RBBP8: variants seen among roughly 807,000 people sequenced by gnomAD.
RBBP8 encodes the protein DNA endonuclease RBBP8.
RBBP8 carries 88 observed loss-of-function variants against 108.3 expected under a neutral mutation model. The observed-to-expected ratio is 0.81, with a 90% confidence interval of 0.68 to 0.97. The LOEUF (loss-of-function observed/expected upper bound fraction) is 0.97. Among genes scored for constraint, RBBP8 ranks in the 50% least tolerant of loss-of-function variants. The probability of loss-of-function intolerance (pLI) is 0.00; values close to 1 mark genes in which losing one functional copy is unlikely to be tolerated. For missense variants in RBBP8, 1,023 were observed against 1,049.0 expected, an observed-to-expected ratio of 0.98 and a Z score of 0.34; for synonymous variants, 332 against 348.2, an observed-to-expected ratio of 0.95 and a Z score of 0.52.
rs540297005 is a variant in RBBP8 at position 22,943,073 on chromosome 18, A to C, written c.110-3371A>C. ...TTTAATTGCTCCATTTATTTTCTAT[A>C]CATAGAATCAAAAATTCTAAAAAGA... On this transcript the variant is annotated intron_variant, in intron 2 of 18. Transcript: ENST00000327155. Among the ~76,000 whole-genome samples, 37 of 152,142 alleles carry C rather than the reference A, an allele frequency of 2.4e-4. 1 individual carries two copies. The highest frequency in any genetic ancestry group is 8.9e-4 in the African/African-American group (37 of 41,410).
intron 4 of RBBP8, among the ~76,000 whole-genome samples, chr18:22,954,026 CACCCCCATGATTCAATTACTT>C (rs1190891165): frequency 1.3e-5 from 2 of 152,010 alleles, no homozygotes; most frequent in Non-Finnish European, 2.9e-5. Flanking sequence ...TGGGGGTAAC[CACCCCCATGATTCAATTACTT>C]CCCACAGTTG....
chr18:22,936,945 G>C lies in RBBP8; in HGVS notation c.94G>C (p.Asp32His), dbSNP rs1311183095. The change falls in exon 2 of 19, where the codon GAT (aspartate) becomes CAT (histidine). Residue 32 changes from aspartate to histidine, a missense_variant. Asp to His is a moderately conservative substitution (Grantham distance 81, BLOSUM62 -1). Transcript: ENST00000327155. ...DLWTKLKECH[D>H]REVQGLQVKV... ...TTGGACAAAACTAAAAGAATGTCAT[G>C]ATAGAGAAGTACAAGGTAAAATCTT... 3 of 1,613,986 alleles carry C rather than the reference G, an allele frequency of 1.9e-6. No individual in the cohort carries two copies. The highest frequency in any genetic ancestry group is 2.7e-5 in the African/African-American group (2 of 74,944).
At chr18:22,928,192 CTT>C (rs370313434) in intron 3 of RBBP8, among the ~76,000 whole-genome samples, 170 of 148,856 alleles carry the variant, frequency 1.1e-3, no homozygotes, top group African/African-American at 3.9e-3. Flanking sequence ...CAGAGTAAGA[CTT>C]TGTCTCCAAA....
At chr18:22,971,641 C>CTTTTTTTTTTT (rs919907678) in intron 5 of RBBP8, among the ~76,000 whole-genome samples, 2 of 109,278 alleles carry the variant, frequency 1.8e-5, no homozygotes, top group Admixed American at 9.6e-5. Flanking sequence ...TGTTTAATTT[C>CTTTTTTTTTTT]TTTTTTTTTT....
intron 12 of RBBP8, among the ~76,000 whole-genome samples, chr18:22,995,210 C>G (rs2045833876): frequency 6.6e-6 from 1 of 151,674 alleles, no homozygotes; most frequent in Non-Finnish European, 1.5e-5. Context: ...TATATGAAAA[C>G]ATTTTTTTCA....
intron 4 of RBBP8, among the ~76,000 whole-genome samples, chr18:22,951,610 T>C (rs887840418): frequency 4.2e-4 from 64 of 152,308 alleles, no homozygotes; most frequent in African/African-American, 1.5e-3. Flanking sequence ...ATTCAATTCC[T>C]ACACTGGATA....
intron 4 of RBBP8, among the ~76,000 whole-genome samples, chr18:22,960,537 C>A (rs1913001693): frequency 6.6e-6 from 1 of 152,168 alleles, no homozygotes; most frequent in Non-Finnish European, 1.5e-5. Flanking sequence ...AAGAGCAAGA[C>A]CCTGTCTCAA....
At chr18:22,927,038 G>A (rs1396475395) in intron 3 of RBBP8, among the ~76,000 whole-genome samples, 1 of 152,148 alleles carries the variant, frequency 6.6e-6, no homozygotes, top group Non-Finnish European at 1.5e-5. Flanking sequence ...ACTAATTACT[G>A]TAAACAACTT....
intron 3 of RBBP8, among the ~76,000 whole-genome samples, chr18:22,919,716 G>T (rs2144332898): frequency 6.6e-6 from 1 of 152,060 alleles, no homozygotes; most frequent in South Asian, 2.1e-4. Context: ...CACACCTGGT[G>T]AATTTTTGCA....
intron 6 of RBBP8, among the ~76,000 whole-genome samples, chr18:22,977,617 G>A (rs1914585421): frequency 6.6e-6 from 1 of 152,038 alleles, no homozygotes; most frequent in Non-Finnish European, 1.5e-5. Context: ...CTTCTAAATT[G>A]AATTCCTTAT....
At position 22,993,146 on chromosome 18, in the gene RBBP8, TG is replaced by T; in HGVS notation, c.1322del (p.Gly441GlufsTer18). ...AAACATTTGGAGCCCCTGAAATCAT[TG>T]GGAGGCCGAACATCCAAAAGGAAGA... ...TDKHLEPLKS[L>X]GGRTSKRKKT... On this transcript the variant is annotated frameshift_variant, in exon 11 of 19. Coordinates refer to ENST00000327155, the MANE Select transcript of RBBP8 (RefSeq NM_002894.3). LOFTEE classifies it high-confidence loss of function. 1 of 1,614,112 alleles carries T rather than the reference TG, an allele frequency of 6.2e-7. No homozygotes were observed. The highest frequency in any genetic ancestry group is 8.5e-7 in the Non-Finnish European group (1 of 1,179,986).
chr18:22,938,894 A>G (rs1010773612), intron 2 of RBBP8, among the ~76,000 whole-genome samples: 5 of 152,224 alleles, frequency 3.3e-5, no homozygotes, highest in Admixed American at 2.6e-4. Flanking sequence ...GTGAAATAAC[A>G]GTTAAAAGGT....
At chr18:22,968,714 AAGTC>A in intron 4 of RBBP8, 88 bp from the exon 5 acceptor site, 1 of 990,854 alleles carries the variant, frequency 1.0e-6, no homozygotes, top group Admixed American at 1.9e-5. Flanking sequence ...AGTATTTGCC[AAGTC>A]AGTTCCTTAA....
At position 23,001,743 on chromosome 18, in the gene RBBP8, CTGTT is replaced by C; in HGVS notation, c.2287+16_2287+19del. The C allele has an allele frequency of 6.2e-7, 1 of 1,613,918 alleles. No homozygotes were observed. On this transcript the variant is annotated intron_variant, in intron 15 of 18. Transcript: ENST00000327155. ...AGAAACTACACAGTAAGATTTTTTT[CTGTT>C]TAATTATGGCTTCTCAGTTGCAGAA... is the stretch of plus-strand genomic sequence containing the variant.
At chr18:22,964,920 A>G (rs1350736734) in intron 4 of RBBP8, among the ~76,000 whole-genome samples, 1 of 152,140 alleles carries the variant, frequency 6.6e-6, no homozygotes. Flanking sequence ...CTCACTTAAC[A>G]TTGTAGATAG....
At chr18:22,994,715 A>C (rs4517887) in intron 12 of RBBP8, among the ~76,000 whole-genome samples, 76,368 of 150,386 alleles carry the variant, frequency 0.51, 22,426 homozygotes, top group African/African-American at 0.83. Flanking sequence ...ATTTTGCTAT[A>C]TTTTATTATT....
intron 14 of RBBP8, among the ~76,000 whole-genome samples, chr18:22,999,401 C>A (rs1017021726): frequency 4.6e-5 from 7 of 152,128 alleles, no homozygotes; most frequent in Non-Finnish European, 1.0e-4. Context: ...ACTCTCAGGG[C>A]TTATTCACTT....
Position 22,993,388 on chromosome 18 carries a change from CT to C in RBBP8, c.1564del (p.Tyr522MetfsTer4). The C allele has an allele frequency of 6.2e-7, 1 of 1,614,224 alleles. No homozygotes were observed. Among genetic ancestry groups the C allele is most frequent in the Non-Finnish European group, 8.5e-7 (1 of 1,180,034 alleles). ...TAAAAACAAATTTAGGCAAGTGACT[CT>C]TTATGAGGCTTTGAAGACCATTCCA... ...TSKNKFRQVT[L>X]YEALKTIPKG... On this transcript the variant is annotated frameshift_variant, in exon 11 of 19. Coordinates refer to ENST00000327155, the MANE Select transcript of RBBP8 (RefSeq NM_002894.3). LOFTEE classifies it high-confidence loss of function.
intron 1 of RBBP8, 158 bp downstream of exon 1, chr18:22,933,722 G>C (rs1171291838): frequency 6.6e-6 from 1 of 152,490 alleles, no homozygotes; most frequent in Non-Finnish European, 1.5e-5. Context: ...GGCTACACTC[G>C]GTGGTGGTGG....
Sources: allele counts gnomAD v4.1 joint callset (sites outside exome capture counted in the v4.1 genomes callset), GRCh38; gene constraint gnomAD v4.1.1; transcripts MANE v1.5; gene names NCBI Gene and HGNC (gene_info 2026-07-23, HGNC 2026-07-21).